Variants in IFT88 observed in about 807,000 individuals in gnomAD.
IFT88 encodes the protein intraflagellar transport protein 88 homolog.
IFT88 carries 74 observed loss-of-function variants against 119.5 expected under a neutral mutation model. That is an observed-to-expected ratio of 0.62 (90% CI 0.51 to 0.75). IFT88 has a LOEUF of 0.75. IFT88 is among the 30% of genes least tolerant of loss of function. The probability of loss-of-function intolerance (pLI) is 0.00; values close to 1 mark genes in which losing one functional copy is unlikely to be tolerated. For missense variants in IFT88, 961 were observed against 977.7 expected, an observed-to-expected ratio of 0.98 and a Z score of 0.23; for synonymous variants, 279 against 316.7, an observed-to-expected ratio of 0.88 and a Z score of 1.26.
At chr13:20,678,720 G>A (rs2056984397) in intron 24 of IFT88, among the ~76,000 whole-genome samples, 1 of 152,146 alleles carries the variant, frequency 6.6e-6, no homozygotes, top group African/African-American at 2.4e-5. Context: ...TTTATGACCA[G>A]TTTCTTTAAG....
chr13:20,638,578 G>A, intron 17 of IFT88, 60 bp downstream of exon 17: 1 of 1,250,462 alleles, frequency 8.0e-7, no homozygotes, highest in Non-Finnish European at 1.0e-6. Flanking sequence ...ATTTGTTTTT[G>A]TTTTGTTTTG....
At chr13:20,609,027 G>A (rs1255421670) in intron 13 of IFT88, among the ~76,000 whole-genome samples, 1 of 152,168 alleles carries the variant, frequency 6.6e-6, no homozygotes, top group Non-Finnish European at 1.5e-5. Context: ...TTGGTAGGTT[G>A]TTTGGTAGGG....
chr13:20,652,030 A>G (rs143659054), intron 20 of IFT88, among the ~76,000 whole-genome samples: 63 of 152,322 alleles, frequency 4.1e-4, no homozygotes, highest in African/African-American at 1.5e-3. Flanking sequence ...ATTTGTAGAG[A>G]TAGAAAGTAG....
intron 7 of IFT88, among the ~76,000 whole-genome samples, chr13:20,594,086 A>C (rs1475489503): frequency 2.0e-5 from 3 of 151,970 alleles, no homozygotes; most frequent in African/African-American, 7.3e-5. Context: ...AGACATATAC[A>C]TAATTAACAA....
intron 23 of IFT88, among the ~76,000 whole-genome samples, chr13:20,666,622 C>T (rs1323648727): frequency 6.6e-6 from 1 of 152,168 alleles, no homozygotes; most frequent in East Asian, 1.9e-4. Flanking sequence ...TTAATTTGTT[C>T]ACTTATTTTA....
intron 14 of IFT88, among the ~76,000 whole-genome samples, chr13:20,618,615 C>G (rs1274201303): frequency 6.6e-6 from 1 of 152,078 alleles, no homozygotes; most frequent in Admixed American, 6.6e-5. Context: ...ATGCCACTGA[C>G]TGAGGAGCTC....
At chr13:20,569,344 C>G (rs367565870) in intron 1 of IFT88, among the ~76,000 whole-genome samples, 1 of 149,082 alleles carries the variant, frequency 6.7e-6, no homozygotes, top group Non-Finnish European at 1.5e-5. Flanking sequence ...GAGGCCGAGC[C>G]GGGCGGATCA....
chr13:20,684,510 C>T (rs181500375), intron 24 of IFT88, among the ~76,000 whole-genome samples: 1 of 152,342 alleles, frequency 6.6e-6, no homozygotes, highest in Admixed American at 6.5e-5. Flanking sequence ...GTGGAACAAA[C>T]CACAATCCAC....
chr13:20,624,018 G>T (rs765695317), intron 14 of IFT88, among the ~76,000 whole-genome samples: 64 of 152,092 alleles, frequency 4.2e-4, no homozygotes, highest in Non-Finnish European at 7.1e-4. Context: ...AGCAAGTTAG[G>T]CATTTCTTAT....
At chr13:20,572,981 A>G (rs867993914) in intron 1 of IFT88, among the ~76,000 whole-genome samples, 6 of 152,066 alleles carry the variant, frequency 3.9e-5, no homozygotes, top group Admixed American at 1.3e-4. Context: ...TTGCTTGTCC[A>G]TTTTACTGAT....
At chr13:20,626,030 C>A in intron 15 of IFT88, among the ~76,000 whole-genome samples, 181 bp downstream of exon 15, 1 of 114,160 alleles carries the variant, frequency 8.8e-6, no homozygotes, top group Non-Finnish European at 1.8e-5. Context: ...TAATTTTTGC[C>A]TGTTTGTCGT....
chr13:20,668,577 C>A (rs1414200350), intron 23 of IFT88, among the ~76,000 whole-genome samples: 1 of 152,106 alleles, frequency 6.6e-6, no homozygotes, highest in East Asian at 1.9e-4. Context: ...CACTGATTCT[C>A]AACTGCAAAT....
At chr13:20,577,321 T>C (rs1377117452) in intron 2 of IFT88, among the ~76,000 whole-genome samples, 1 of 152,092 alleles carries the variant, frequency 6.6e-6, no homozygotes, top group Non-Finnish European at 1.5e-5. Flanking sequence ...GTAATTTGAC[T>C]TTTTCCTTTC....
At chr13:20,607,505 G>A (rs2043700553) in intron 13 of IFT88, 1 of 686,076 alleles carries the variant, frequency 1.5e-6, no homozygotes, top group African/African-American at 1.8e-5. Context: ...GTTGTCTTTT[G>A]ACATGTGGGG....
chr13:20,605,494 C>T (rs2043275733), intron 13 of IFT88, among the ~76,000 whole-genome samples: 1 of 152,158 alleles, frequency 6.6e-6, no homozygotes, highest in Non-Finnish European at 1.5e-5. Flanking sequence ...AATTAAGGAT[C>T]AGCTCTCAGA....
intron 13 of IFT88, among the ~76,000 whole-genome samples, chr13:20,609,285 A>G (rs1450986508): frequency 6.6e-6 from 1 of 152,254 alleles, no homozygotes; most frequent in Non-Finnish European, 1.5e-5. Context: ...ACAATTGCTG[A>G]AAACAGAATG....
At chr13:20,621,526 TAAA>T (rs200491393) in intron 14 of IFT88, among the ~76,000 whole-genome samples, 15 of 130,718 alleles carry the variant, frequency 1.1e-4, no homozygotes, top group African/African-American at 4.1e-4. Context: ...CCTGCTGAGA[TAAA>T]AAAAAAAAAA....
Position 20,607,131 on chromosome 13 carries a change from T to A in IFT88, c.1112+2026T>A, listed in dbSNP as rs1235552525. ...AGTGCCTTCCTGTTCCCGGTGACTG[T>A]GTCCTTGTGCCACATCCTGGTACTG... is the stretch of plus-strand genomic sequence containing the variant. On this transcript the variant is annotated intron_variant, in intron 13 of 25. Transcript: ENST00000351808. 2.5e-5 allele frequency: 10 copies of A among 401,638 alleles called. No individual in the cohort carries two copies. The East Asian group carries it at 8.6e-4, about 35-fold the overall frequency. 24.9% of individuals were successfully genotyped at this position (401,638 alleles called of 1,614,324 possible).
chr13:20,591,572 G>A (rs371860680), intron 5 of IFT88, 46 bp from the exon 6 acceptor site: 5 of 1,410,968 alleles, frequency 3.5e-6, no homozygotes, highest in Non-Finnish European at 4.0e-6. Context: ...CTGTACATAG[G>A]AGATAGATCT....
Sources: allele counts gnomAD v4.1 joint callset (sites outside exome capture counted in the v4.1 genomes callset), GRCh38; gene constraint gnomAD v4.1.1; transcripts MANE v1.5; gene names NCBI Gene and HGNC (gene_info 2026-07-23, HGNC 2026-07-21).